Variants in BAALC observed in about 807,000 individuals in gnomAD.
BAALC encodes brain and acute leukemia cytoplasmic protein.
Under a neutral mutation model 15.5 loss-of-function variants are expected in BAALC, and 9 were observed. That is an observed-to-expected ratio of 0.58 (90% CI 0.35 to 1.02). The LOEUF (loss-of-function observed/expected upper bound fraction) is 1.02. Ranked by LOEUF, BAALC falls within the 50% of genes least tolerant of loss-of-function variation. BAALC has a pLI of 0.02. For missense variants in BAALC, 201 were observed against 192.4 expected, an observed-to-expected ratio of 1.04 and a Z score of -0.27; for synonymous variants, 80 against 74.6, an observed-to-expected ratio of 1.07 and a Z score of -0.37.
chr8:103,206,066 A>G (rs1386221456), intron 1 of BAALC, among the ~76,000 whole-genome samples: 7 of 152,218 alleles, frequency 4.6e-5, no homozygotes, highest in South Asian at 2.1e-4. Context: ...AGTTTTGAAT[A>G]TAAGTGTGGC....
rs1812851740 is a variant in BAALC at position 103,228,384 on chromosome 8, G to A, written c.*285G>A. ...TGCAACTCCTGTAATACGGTCTGGTGTAAAAGTAGTGAGTTAAAGCTACAG... is the reference window on the plus strand; with the variant it reads ...TGCAACTCCTGTAATACGGTCTGGTATAAAAGTAGTGAGTTAAAGCTACAG... On this transcript the variant is annotated 3_prime_UTR_variant, in exon 3 of 3. Transcript: ENST00000309982. The A allele has an allele frequency of 3.3e-6, 1 of 301,850 alleles. No individual in the cohort carries two copies. The highest frequency in any genetic ancestry group is 6.6e-5 in the South Asian group (1 of 15,252). 18.7% of individuals were successfully genotyped at this position (301,850 alleles called of 1,614,324 possible).
chr8:103,146,982 T>C (rs1304251886), intron 1 of BAALC, among the ~76,000 whole-genome samples: 1 of 152,224 alleles, frequency 6.6e-6, no homozygotes, highest in African/African-American at 2.4e-5. Flanking sequence ...TCTGTCTCTC[T>C]AGTTAGTCTG....
At chr8:103,163,630 G>A (rs1169665769) in intron 1 of BAALC, among the ~76,000 whole-genome samples, 3 of 152,166 alleles carry the variant, frequency 2.0e-5, no homozygotes, top group African/African-American at 7.2e-5. Flanking sequence ...AATGGTTGCA[G>A]TGAATTGTTC....
At chr8:103,181,304 G>A (rs755902966) in intron 1 of BAALC, among the ~76,000 whole-genome samples, 21 of 152,026 alleles carry the variant, frequency 1.4e-4, no homozygotes, top group Admixed American at 7.9e-4. Flanking sequence ...ACAGAGTCTC[G>A]CTCTGTCGCC....
chr8:103,169,721 T>G (rs371063775), intron 1 of BAALC, among the ~76,000 whole-genome samples: 1 of 152,230 alleles, frequency 6.6e-6, no homozygotes, highest in Non-Finnish European at 1.5e-5. Flanking sequence ...CTTCATATTT[T>G]CAGCACAATA....
At chr8:103,179,993 T>G (rs2129970251) in intron 1 of BAALC, among the ~76,000 whole-genome samples, 1 of 152,296 alleles carries the variant, frequency 6.6e-6, no homozygotes, top group African/African-American at 2.4e-5. Context: ...AGAGGGAATG[T>G]GAGGCCCAAA....
At chr8:103,220,985 A>G (rs556725768) in intron 2 of BAALC, among the ~76,000 whole-genome samples, 4 of 152,356 alleles carry the variant, frequency 2.6e-5, no homozygotes, top group African/African-American at 7.2e-5. Context: ...CAAAGCTGAG[A>G]ACATCTCTAT....
chr8:103,201,197 G>A (rs567915451), intron 1 of BAALC, among the ~76,000 whole-genome samples: 3 of 152,202 alleles, frequency 2.0e-5, no homozygotes, highest in East Asian at 3.9e-4. Flanking sequence ...GTAGGTCTCC[G>A]TATTCAAGCA....
intron 1 of BAALC, among the ~76,000 whole-genome samples, chr8:103,146,765 G>A (rs1235279152): frequency 6.6e-6 from 1 of 152,120 alleles, no homozygotes; most frequent in East Asian, 1.9e-4. Context: ...CCAAACACAA[G>A]CCTTTTTGTT....
intron 1 of BAALC, among the ~76,000 whole-genome samples, chr8:103,176,957 G>T (rs1380918022): frequency 6.6e-6 from 1 of 152,104 alleles, no homozygotes; most frequent in Non-Finnish European, 1.5e-5. Flanking sequence ...GAGCTGGTGG[G>T]TACTTGTTTC....
At chr8:103,184,310 G>A (rs757792706) in intron 1 of BAALC, among the ~76,000 whole-genome samples, 1 of 152,204 alleles carries the variant, frequency 6.6e-6, no homozygotes, top group African/African-American at 2.4e-5. Flanking sequence ...TATATTCACA[G>A]GTTCTGGTGC....
chr8:103,169,249 A>C (rs1811422168), intron 1 of BAALC, among the ~76,000 whole-genome samples: 1 of 152,044 alleles, frequency 6.6e-6, no homozygotes, highest in Non-Finnish European at 1.5e-5. Flanking sequence ...TTTAATTTTT[A>C]AGAACTCTCT....
chr8:103,149,801 T>G (rs556827540), intron 1 of BAALC, among the ~76,000 whole-genome samples: 4 of 152,288 alleles, frequency 2.6e-5, no homozygotes, highest in African/African-American at 7.2e-5. Flanking sequence ...CAAATATACT[T>G]GAATTCAGGC....
rs143052013 is a variant in BAALC, at chr8:103,213,270, G to A, written c.327+185G>A. On this transcript the variant is annotated intron_variant, in intron 2 of 2. Transcript: ENST00000309982. ...CCCACCCCAAAACCCTGCCTTGAGG[G>A]TTGCTGCTTTTTGTTTCCATGTGTA... 6.6e-6 allele frequency: 4 copies of A among 605,952 alleles called. No individual in the cohort carries two copies. In the East Asian group the frequency reaches 1.1e-4, roughly 17 times the overall value. 37.5% of individuals were successfully genotyped at this position (605,952 alleles called of 1,614,324 possible).
At chr8:103,198,763 T>A (rs895549877) in intron 1 of BAALC, among the ~76,000 whole-genome samples, 139 of 149,988 alleles carry the variant, frequency 9.3e-4, no homozygotes, top group African/African-American at 3.1e-3. Flanking sequence ...AAAAAAAAAA[T>A]TGCCAGGTGT....
intron 1 of BAALC, among the ~76,000 whole-genome samples, chr8:103,175,196 T>C (rs1811581205): frequency 6.6e-6 from 1 of 152,206 alleles, no homozygotes; most frequent in African/African-American, 2.4e-5. Flanking sequence ...ACCAGAGACC[T>C]CATCTCTGCT....
intron 1 of BAALC, among the ~76,000 whole-genome samples, chr8:103,154,957 G>A (rs1222569504): frequency 6.6e-6 from 1 of 150,550 alleles, no homozygotes; most frequent in East Asian, 1.9e-4. Context: ...ATGGAGAATA[G>A]TATAATAAAC....
chr8:103,156,779 G>C lies in BAALC; in HGVS notation c.160+15722G>C, dbSNP rs144709147. ...TGCTTGGTTGTGAGTCTGGGCAGCTGATGAATGGGTTGCTGTTATGGTGTT... is the reference window on the plus strand; with the variant it reads ...TGCTTGGTTGTGAGTCTGGGCAGCTCATGAATGGGTTGCTGTTATGGTGTT... On this transcript the variant is annotated intron_variant, in intron 1 of 2. Coordinates refer to ENST00000309982, the MANE Select transcript of BAALC (RefSeq NM_024812.3). Among the ~76,000 whole-genome samples, 40 of 152,364 alleles carry C rather than the reference G, an allele frequency of 2.6e-4. No homozygotes were observed. The South Asian group carries it at 6.8e-3, about 26-fold the overall frequency.
intron 2 of BAALC, among the ~76,000 whole-genome samples, chr8:103,221,017 GA>G (rs1382909409): frequency 6.6e-6 from 1 of 152,156 alleles, no homozygotes; most frequent in Non-Finnish European, 1.5e-5. Flanking sequence ...GGGAAAGTGA[GA>G]AAAGGCTGAA....
Sources: allele counts gnomAD v4.1 joint callset (sites outside exome capture counted in the v4.1 genomes callset), GRCh38; gene constraint gnomAD v4.1.1; transcripts MANE v1.5; gene names NCBI Gene and HGNC (gene_info 2026-07-23, HGNC 2026-07-21).